The following MAD1L1 variants were observed in gnomAD, a reference collection of about 807,000 sequenced individuals.
MAD1L1 encodes the protein mitotic spindle assembly checkpoint protein MAD1.
A neutral mutation model predicts 96.9 loss-of-function variants in MAD1L1; 95 were observed. That is an observed-to-expected ratio of 0.98 (90% CI 0.83 to 1.16). The LOEUF is 1.16. MAD1L1 is among the 50% of genes most tolerant of loss of function. The pLI is 0.00. For missense variants in MAD1L1, 1,007 were observed against 954.4 expected (o/e 1.06, Z -0.73); for synonymous variants, 473 against 396.6 (o/e 1.19, Z -2.29).
intron 17 of MAD1L1, among the ~76,000 whole-genome samples, chr7:1,920,354 G>A (rs559175534): frequency 3.9e-5 from 6 of 152,362 alleles, no homozygotes; most frequent in South Asian, 4.1e-4. Context: ...ATGGAGCAGC[G>A]ACAGTGTGTG....
intron 11 of MAD1L1, among the ~76,000 whole-genome samples, chr7:2,121,383 C>T (rs1009216019): frequency 1.3e-5 from 2 of 152,194 alleles, no homozygotes; most frequent in African/African-American, 2.4e-5. Context: ...GCTGCGGATA[C>T]GCCACACACA....
intron 10 of MAD1L1, among the ~76,000 whole-genome samples, chr7:2,149,455 TAGAA>T (rs1230793715): frequency 6.6e-6 from 1 of 152,040 alleles, no homozygotes; most frequent in Non-Finnish European, 1.5e-5. Context: ...GAGATGACCT[TAGAA>T]AGCCCCGATT....
chr7:2,114,502 C>A lies in MAD1L1; in HGVS notation c.1073+34650G>T, dbSNP rs1300145238. 6.6e-6 allele frequency among the ~76,000 whole-genome samples: 1 copy of A among 152,218 alleles called. No individual in the cohort carries two copies. The highest frequency in any genetic ancestry group is 2.4e-5 in the African/African-American group (1 of 41,466). ...GAAATGAAAGCCTGGCTGCCGGGAT[C>A]AATCTTGCGGGTCACCTCCCTGCAG... On this transcript the variant is annotated intron_variant, in intron 11 of 18. Coordinates refer to ENST00000265854, the MANE Select transcript of MAD1L1 (RefSeq NM_001013836.2). The surrounding 1 kb of genome is among the most constrained non-coding windows in gnomAD (Gnocchi z 4.2).
At chr7:1,906,845 C>T (rs892265219) in intron 17 of MAD1L1, among the ~76,000 whole-genome samples, 4 of 152,236 alleles carry the variant, frequency 2.6e-5, no homozygotes. Context: ...CACAAGCAAG[C>T]ACACACACAG....
intron 16 of MAD1L1, among the ~76,000 whole-genome samples, chr7:1,954,202 G>C (rs962049618): frequency 6.6e-6 from 1 of 152,214 alleles, no homozygotes; most frequent in African/African-American, 2.4e-5. Flanking sequence ...CCACCATGCA[G>C]GCCTGGTTCA....
intron 12 of MAD1L1, among the ~76,000 whole-genome samples, chr7:2,020,369 C>A (rs545218208): frequency 6.6e-6 from 1 of 152,368 alleles, no homozygotes; most frequent in African/African-American, 2.4e-5. Context: ...GTGCACCCGG[C>A]CCCGGCACCA....
intron 18 of MAD1L1, among the ~76,000 whole-genome samples, chr7:1,864,192 G>A (rs994025521): frequency 2.6e-5 from 4 of 152,220 alleles, no homozygotes; most frequent in Non-Finnish European, 5.9e-5. Flanking sequence ...TCTCCAGGAG[G>A]GTCAGACAGT....
intron 14 of MAD1L1, among the ~76,000 whole-genome samples, chr7:1,996,232 T>G (rs1289348847): frequency 5.0e-5 from 1 of 19,952 alleles, no homozygotes; most frequent in Non-Finnish European, 1.2e-4. Context: ...GCGGGCAGGG[T>G]CCCCCCGGGT....
At chr7:2,129,958 T>C (rs932735689) in intron 11 of MAD1L1, among the ~76,000 whole-genome samples, 1 of 152,150 alleles carries the variant, frequency 6.6e-6, no homozygotes, top group African/African-American at 2.4e-5. Context: ...GCTGTCCTTC[T>C]GGGGCCCAGC....
chr7:2,159,751 C>T (rs1032213112), intron 10 of MAD1L1, among the ~76,000 whole-genome samples: 1 of 152,170 alleles, frequency 6.6e-6, no homozygotes, highest in Non-Finnish European at 1.5e-5. Flanking sequence ...GGTTAAATGT[C>T]GTAGTCTATC....
intron 18 of MAD1L1, among the ~76,000 whole-genome samples, chr7:1,822,342 C>A (rs1430066002): frequency 6.6e-6 from 1 of 151,070 alleles, no homozygotes; most frequent in Admixed American, 6.6e-5. Flanking sequence ...TAAATAGATA[C>A]AATGTTTATG....
intron 18 of MAD1L1, among the ~76,000 whole-genome samples, chr7:1,887,734 T>C (rs893743307): frequency 7.9e-5 from 12 of 151,196 alleles, no homozygotes; most frequent in Non-Finnish European, 1.5e-4. Context: ...TGCATGTATG[T>C]GGCTTCCTGT....
Position 2,014,437 on chromosome 7 carries a change from C to A in MAD1L1, c.1359+65G>T. 3 of 1,493,822 alleles carry A rather than the reference C, an allele frequency of 2.0e-6. No individual in the cohort carries two copies. In the South Asian group the frequency reaches 3.9e-5, roughly 20 times the overall value. The allele number at this position is 1,493,822 out of a possible 1,614,324, so 92.5% of individuals were successfully genotyped here. Reference sequence around the variant, plus strand: ...GACCTCCACCTCCCCGCCGCAGGCTCTGCCAAGGCCCACCGGGAAGAAGCC... The same window carrying A: ...GACCTCCACCTCCCCGCCGCAGGCTATGCCAAGGCCCACCGGGAAGAAGCC... On this transcript the variant is annotated intron_variant, in intron 13 of 18. Coordinates refer to ENST00000265854, the MANE Select transcript of MAD1L1 (RefSeq NM_001013836.2).
At chr7:1,857,261 G>A (rs775704197) in intron 18 of MAD1L1, among the ~76,000 whole-genome samples, 6 of 152,222 alleles carry the variant, frequency 3.9e-5, no homozygotes, top group Non-Finnish European at 5.9e-5. Flanking sequence ...CGTCTCGGGC[G>A]AGGGTGGGTG....
intron 12 of MAD1L1, among the ~76,000 whole-genome samples, chr7:2,048,548 G>C (rs1784034388): frequency 6.6e-6 from 1 of 152,244 alleles, no homozygotes; most frequent in South Asian, 2.1e-4. Context: ...AAATAAATTT[G>C]ATGAATGGTA....
intron 15 of MAD1L1, among the ~76,000 whole-genome samples, chr7:1,962,335 G>A (rs1245160623): frequency 6.6e-6 from 1 of 152,212 alleles, no homozygotes; most frequent in African/African-American, 2.4e-5. Flanking sequence ...CAGCCATGTA[G>A]AACTGTGAGT....
chr7:1,973,732 T>C (rs1480822510), intron 15 of MAD1L1, among the ~76,000 whole-genome samples: 1 of 152,090 alleles, frequency 6.6e-6, no homozygotes, highest in Non-Finnish European at 1.5e-5. Context: ...CATGGGGTCC[T>C]GGGGGTTGAA....
intron 17 of MAD1L1, among the ~76,000 whole-genome samples, chr7:1,913,592 G>T (rs1334825612): frequency 1.3e-5 from 2 of 152,142 alleles, no homozygotes; most frequent in Non-Finnish European, 2.9e-5. Flanking sequence ...ACCTCGCAGG[G>T]GCTCTGGCTC....
intron 10 of MAD1L1, among the ~76,000 whole-genome samples, chr7:2,162,198 T>C (rs1190760222): frequency 6.6e-6 from 1 of 152,240 alleles, no homozygotes; most frequent in Non-Finnish European, 1.5e-5. Flanking sequence ...ACTGTGTCTG[T>C]GTAGAAAGAA....
Sources: allele counts gnomAD v4.1 joint callset (sites outside exome capture counted in the v4.1 genomes callset), GRCh38; gene constraint gnomAD v4.1.1; non-coding constraint Gnocchi (gnomAD v3.1); transcripts MANE v1.5; gene names NCBI Gene and HGNC (gene_info 2026-07-23, HGNC 2026-07-21).